Variants in BAHCC1 observed in about 807,000 individuals in gnomAD.
The protein encoded by BAHCC1 is BAH domain and coiled-coil containing 1, also known as BAH and coiled-coil domain-containing protein 1.
A neutral mutation model predicts 88.2 loss-of-function variants in BAHCC1; 43 were observed. The ratio of observed to expected loss-of-function variants is 0.49; its 90% CI spans 0.38 to 0.63. The LOEUF is 0.63. BAHCC1 is among the 20% of genes least tolerant of loss of function. The pLI is 0.00. For missense variants in BAHCC1, 3,023 were observed against 1,654.8 expected, an observed-to-expected ratio of 1.83 and a Z score of -14.34; for synonymous variants, 1,510 against 745.5, an observed-to-expected ratio of 2.03 and a Z score of -16.71.
At chr17:81,406,100 C>T (rs1363334085) in intron 2 of BAHCC1, among the ~76,000 whole-genome samples, 1 of 152,230 alleles carries the variant, frequency 6.6e-6, no homozygotes, top group African/African-American at 2.4e-5. Flanking sequence ...TGCCTGCCTT[C>T]TTAATGGGTT....
Position 81,457,394 on chromosome 17 carries a change from TCTGC to T in BAHCC1, c.4859-13_4859-10del. The T allele has an allele frequency of 1.3e-6, 1 of 759,998 alleles. No individual in the cohort carries two copies. Among genetic ancestry groups the T allele is most frequent in the Non-Finnish European group, 2.4e-6 (1 of 408,808 alleles). 47.1% of individuals were successfully genotyped at this position (759,998 alleles called of 1,614,324 possible). ...CTTACCATCAAGTCATCAGGACCCC[TCTGC>T]CTCTCTCCCAGGCAGTGGCTATGAC... On this transcript the variant is annotated splice_polypyrimidine_tract_variant and intron_variant, in intron 16 of 27. Transcript: ENST00000675386.
At chr17:81,397,017 C>T (rs1349588543) in intron 1 of BAHCC1, 1 of 152,244 alleles carries the variant, frequency 6.6e-6, no homozygotes, top group Non-Finnish European at 1.5e-5. Flanking sequence ...GGCGTCGCCG[C>T]TGCGGGACTG....
intron 17 of BAHCC1, among the ~76,000 whole-genome samples, 176 bp from the exon 18 acceptor site, chr17:81,457,989 C>T (rs2064782826): frequency 9.6e-6 from 1 of 104,516 alleles, no homozygotes; most frequent in Non-Finnish European, 1.9e-5. Flanking sequence ...GCTGGGTAAC[C>T]AGGAGGGAGG....
Position 81,455,360 on chromosome 17 carries a change from C to T in BAHCC1, c.4539C>T (p.Ser1513=), listed in dbSNP as rs375980493. Residue 1513 remains serine, a synonymous_variant, in exon 15 of 28, where the codon AGC becomes AGT. Coordinates refer to ENST00000675386, the MANE Select transcript of BAHCC1 (RefSeq NM_001377448.1). ...AGAAGCGAAGCAAGCTGGAGAGGAG[C>T]GTCTATGCGGGCCTGCAGACTGCCT... ...PAKKRSKLER[S]VYAGLQTASV... The T allele has an allele frequency of 5.6e-6, 4 of 716,598 alleles. No homozygotes were observed. The highest frequency in any genetic ancestry group is 1.0e-5 in the Non-Finnish European group (4 of 384,966). The allele number at this position is 716,598 out of a possible 1,614,324, so 44.4% of individuals were successfully genotyped here.
Position 81,399,152 on chromosome 17 carries a change from T to TGTGTGC in BAHCC1, c.-206-381_-206-380insTGTGCG, listed in dbSNP as rs1555645428. 189 of 367,186 alleles carry TGTGTGC rather than the reference T, an allele frequency of 5.1e-4. 1 individual carries two copies. Among genetic ancestry groups the TGTGTGC allele is most frequent in the East Asian group, 2.5e-3 (20 of 8,010 alleles). The allele number at this position is 367,186 out of a possible 1,614,324, so 22.7% of individuals were successfully genotyped here. ...GAGTGTGTGTGTGTGTGTGTGTGTG[T>TGTGTGC]GCGAGTGTGCGTGATGGCTTCGCAG... On this transcript the variant is annotated intron_variant, in intron 1 of 27. Coordinates refer to ENST00000675386, the MANE Select transcript of BAHCC1 (RefSeq NM_001377448.1). This position sits in a 1 kb window ranked among gnomAD's most constrained non-coding sequence, Gnocchi z 4.5.
chr17:81,430,393 C>T (rs1311092303), intron 3 of BAHCC1, among the ~76,000 whole-genome samples: 1 of 152,202 alleles, frequency 6.6e-6, no homozygotes, highest in African/African-American at 2.4e-5. Context: ...GGCACACACA[C>T]GCGCTGGCTC....
chr17:81,442,407 C>G lies in BAHCC1; in HGVS notation c.1058C>G (p.Pro353Arg), dbSNP rs781848985. Residue 353 changes from proline to arginine, a missense_variant, in exon 5 of 28, where the codon CCA (proline) becomes CGA (arginine). Physicochemically the swap from Pro to Arg is moderately radical, Grantham distance 103. Coordinates refer to ENST00000675386, the MANE Select transcript of BAHCC1 (RefSeq NM_001377448.1). The part of the protein sequence containing the change: ...MLHHTASYAG[P>R]PPPLSTAAGS... ...CACCACACCGCATCCTACGCCGGGC[C>G]ACCCCCGCCCCTCAGCACAGCCGCC... The G allele has an allele frequency of 1.4e-6, 1 of 695,974 alleles. No individual in the cohort carries two copies. The highest frequency in any genetic ancestry group is 1.8e-5 in the African/African-American group (1 of 56,204). 43.1% of individuals were successfully genotyped at this position (695,974 alleles called of 1,614,324 possible).
intron 3 of BAHCC1, among the ~76,000 whole-genome samples, chr17:81,437,866 C>G (rs1598482306): frequency 2.6e-5 from 4 of 152,222 alleles, no homozygotes; most frequent in African/African-American, 9.6e-5. Context: ...ATGGACACAC[C>G]TGTGACCTCC....
chr17:81,455,583 C>T (rs1356564602), intron 15 of BAHCC1, among the ~76,000 whole-genome samples, 193 bp downstream of exon 15: 1 of 152,212 alleles, frequency 6.6e-6, no homozygotes, highest in East Asian at 1.9e-4. Flanking sequence ...GAAGGTCTGA[C>T]CGGGTGGCCC....
intron 1 of BAHCC1, chr17:81,396,992 C>G (rs2063752537): frequency 6.6e-6 from 1 of 152,156 alleles, no homozygotes; most frequent in African/African-American, 2.4e-5. Flanking sequence ...CGGGCCTCGG[C>G]ACTCGGCGGG....
rs781975153 is a variant in BAHCC1 at position 81,447,502 on chromosome 17, G to A, written c.3630G>A (p.Pro1210=). The stretch of plus-strand genomic sequence containing the variant: ...TCCTGGAGCAGCGAGCAGGGAGTCC[G>A]GGTGCCCTTGAGGACGAGGGGGAGC... ...SQVLEQRAGS[P]GALEDEGEQP... is the part of the protein sequence containing the mutation. The change falls in exon 11 of 28, where the codon CCG becomes CCA. Residue 1210 remains proline (P), a synonymous_variant. Transcript: ENST00000675386. 1.6e-5 allele frequency: 12 copies of A among 747,010 alleles called. No homozygotes were observed. Among genetic ancestry groups the A allele is most frequent in the South Asian group, 2.9e-5 (2 of 70,098 alleles). The allele number at this position is 747,010 out of a possible 1,614,324, so 46.3% of individuals were successfully genotyped here.
At chr17:81,420,503 G>C (rs1320207124) in intron 2 of BAHCC1, among the ~76,000 whole-genome samples, 1 of 152,268 alleles carries the variant, frequency 6.6e-6, no homozygotes, top group Admixed American at 6.5e-5. Context: ...CTCCGGGTCA[G>C]ACTGGCCTCC....
intron 10 of BAHCC1, among the ~76,000 whole-genome samples, chr17:81,446,098 G>GC (rs1465452561): frequency 6.6e-6 from 1 of 151,876 alleles, no homozygotes; most frequent in Non-Finnish European, 1.5e-5. Flanking sequence ...GGGTGGGGGG[G>GC]TCTCGGGCCT....
At chr17:81,398,192 G>C (rs1555645235) in intron 1 of BAHCC1, among the ~76,000 whole-genome samples, 1 of 152,300 alleles carries the variant, frequency 6.6e-6, no homozygotes, top group East Asian at 1.9e-4. Flanking sequence ...TAGAAGATGA[G>C]GAGTAATATG....
intron 2 of BAHCC1, chr17:81,421,839 G>C (rs1303048930): frequency 9.0e-6 from 2 of 222,148 alleles, no homozygotes; most frequent in African/African-American, 4.8e-5. Context: ...GGGGATGGTA[G>C]GGTCTCTCAT....
chr17:81,415,066 G>A (rs1325474075), intron 2 of BAHCC1, among the ~76,000 whole-genome samples: 14 of 145,322 alleles, frequency 9.6e-5, no homozygotes, highest in Admixed American at 6.0e-4. Flanking sequence ...TGCCCTTCCC[G>A]CCCCGGCCCC....
chr17:81,465,946 G>A lies in BAHCC1; in HGVS notation c.*2129G>A, dbSNP rs1320429844. On this transcript the variant is annotated 3_prime_UTR_variant, in exon 28 of 28. Transcript: ENST00000675386. ...CGATGTCAAGTGAAGAAAAATGCAC[G>A]GGGGCATGCTGAGCCACTGGAGTTC... The A allele has an allele frequency of 2.0e-5, 3 of 152,544 alleles. No individual in the cohort carries two copies. Among genetic ancestry groups the A allele is most frequent in the Admixed American group, 6.5e-5 (1 of 15,288 alleles). The allele number at this position is 152,544 out of a possible 1,614,324, so 9.4% of individuals were successfully genotyped here. A position where few individuals can be genotyped will look rare whatever the true frequency, so the allele number is the denominator to read the frequency against.
chr17:81,412,782 T>G (rs1047926391), intron 2 of BAHCC1, among the ~76,000 whole-genome samples: 1 of 152,172 alleles, frequency 6.6e-6, no homozygotes. Context: ...ACAGCGAACA[T>G]TGATTATTTC....
chr17:81,401,391 C>T (rs537885216), intron 2 of BAHCC1: 21 of 152,790 alleles, frequency 1.4e-4, no homozygotes, highest in Admixed American at 1.0e-3. Flanking sequence ...TCTTTTTCTC[C>T]CTTTCTTTTT....
Sources: gnomAD v4.1 joint callset for allele counts (sites outside exome capture counted in the v4.1 genomes callset) on GRCh38, gnomAD v4.1.1 for gene constraint, Gnocchi (gnomAD v3.1) non-coding constraint, MANE v1.5 for transcripts, NCBI Gene and HGNC (gene_info 2026-07-23, HGNC 2026-07-21) for gene names.